APP: variants seen among roughly 807,000 people sequenced by gnomAD.
The protein encoded by APP is amyloid-beta precursor protein.
A neutral mutation model predicts 101.4 loss-of-function variants in APP; 31 were observed. That is an observed-to-expected ratio of 0.31 (90% confidence interval 0.23 to 0.41). The LOEUF (loss-of-function observed/expected upper bound fraction) is 0.41. Ranked by LOEUF, APP falls within the 10% of genes least tolerant of loss-of-function variation. The pLI, the probability that APP is intolerant of heterozygous loss-of-function variation, is 1.00. For missense variants in APP, 839 were observed against 1,003.7 expected, an observed-to-expected ratio of 0.84 and a Z score of 2.22; for synonymous variants, 366 against 364.4, an observed-to-expected ratio of 1.00 and a Z score of -0.05.
intron 11 of APP, among the ~76,000 whole-genome samples, chr21:25,958,146 G>A (rs1331655604): frequency 6.6e-6 from 1 of 152,160 alleles, no homozygotes; most frequent in Admixed American, 6.5e-5. Flanking sequence ...ATGGCCCCAG[G>A]CTGGCCTTGG....
intron 17 of APP, among the ~76,000 whole-genome samples, chr21:25,885,424 G>A (rs981150526): frequency 2.0e-5 from 3 of 152,250 alleles, no homozygotes; most frequent in Non-Finnish European, 2.9e-5. Context: ...TGAGCCCATG[G>A]TGCTTGTTCT....
chr21:26,129,513 A>C (rs1422204800), intron 1 of APP, among the ~76,000 whole-genome samples: 1 of 152,172 alleles, frequency 6.6e-6, no homozygotes, highest in Admixed American at 6.5e-5. Flanking sequence ...TAAACTATAC[A>C]GGTGAACTAA....
intron 13 of APP, among the ~76,000 whole-genome samples, chr21:25,933,541 C>T (rs2040236602): frequency 6.6e-6 from 1 of 152,170 alleles, no homozygotes; most frequent in Admixed American, 6.5e-5. Flanking sequence ...GTATTTGTAT[C>T]CATTAATGAA....
intron 13 of APP, among the ~76,000 whole-genome samples, chr21:25,920,645 T>C (rs1241690724): frequency 6.6e-6 from 1 of 151,820 alleles, no homozygotes; most frequent in Non-Finnish European, 1.5e-5. Context: ...CATTACATAA[T>C]GGTAAAGGGA....
chr21:26,151,434 G>T (rs985732516), intron 1 of APP, among the ~76,000 whole-genome samples: 4 of 152,088 alleles, frequency 2.6e-5, no homozygotes, highest in Non-Finnish European at 4.4e-5. Flanking sequence ...TGAACTACTA[G>T]ATCAGCCTTT....
intron 1 of APP, among the ~76,000 whole-genome samples, chr21:26,128,861 T>C (rs1220941946): frequency 1.3e-5 from 2 of 152,142 alleles, no homozygotes; most frequent in East Asian, 1.9e-4. Flanking sequence ...ACTAAGAGAT[T>C]TGAAATGGAT....
chr21:26,152,005 G>A (rs965626520), intron 1 of APP, among the ~76,000 whole-genome samples: 3 of 152,226 alleles, frequency 2.0e-5, no homozygotes, highest in Admixed American at 1.3e-4. Flanking sequence ...GTCTGGGCAC[G>A]GTGGCTCACG....
intron 13 of APP, among the ~76,000 whole-genome samples, chr21:25,952,267 CTTTAAG>C (rs1428636327): frequency 6.6e-6 from 1 of 150,988 alleles, no homozygotes; most frequent in African/African-American, 2.4e-5. Flanking sequence ...TTTTATTATA[CTTTAAG>C]TTTGAGGGTA....
chr21:25,952,773 T>G (rs2041147891), intron 13 of APP, among the ~76,000 whole-genome samples: 1 of 147,418 alleles, frequency 6.8e-6, no homozygotes, highest in Non-Finnish European at 1.5e-5. Flanking sequence ...CAAACCATGT[T>G]TTCTAGAAGA....
rs2045603603 is a variant in APP at position 26,046,240 on chromosome 21, T to C, written c.662+4760A>G. On this transcript the variant is annotated intron_variant, in intron 5 of 17. Transcript: ENST00000346798. ...ACCTGGCCAACATGGTGAAACCCTG[T>C]CTCTACTAAAAATACAAAAATTAGC... 1.3e-5 allele frequency among the ~76,000 whole-genome samples: 2 copies of C among 151,694 alleles called. 1 individual carries two copies. Among genetic ancestry groups the C allele is most frequent in the Non-Finnish European group, 2.9e-5 (2 of 67,960 alleles).
rs566093643 is a variant in APP at position 26,114,951 on chromosome 21, T to C, written c.58-2805A>G. Among the ~76,000 whole-genome samples the C allele has an allele frequency of 2.0e-5, 3 of 152,330 alleles. No homozygotes were observed. In the South Asian group the frequency reaches 6.2e-4, roughly 32 times the overall value. On this transcript the variant is annotated intron_variant, in intron 1 of 17. Coordinates refer to ENST00000346798, the MANE Select transcript of APP (RefSeq NM_000484.4). The stretch of plus-strand genomic sequence containing the variant: ...GTGTATGTTGACTACCAAAAAGTGG[T>C]AATTTTTAAAACATTTTTTTCAAAT...
intron 17 of APP, among the ~76,000 whole-genome samples, chr21:25,887,862 C>A (rs1482844648): frequency 6.6e-6 from 1 of 152,176 alleles, no homozygotes; most frequent in African/African-American, 2.4e-5. Flanking sequence ...GATGTTTGCA[C>A]AGCGATCAAA....
At chr21:25,994,916 C>G (rs867990451) in intron 8 of APP, among the ~76,000 whole-genome samples, 1 of 152,184 alleles carries the variant, frequency 6.6e-6, no homozygotes, top group Non-Finnish European at 1.5e-5. Context: ...TCTGTTTGTA[C>G]TAGCACTGCA....
intron 3 of APP, among the ~76,000 whole-genome samples, chr21:26,071,226 C>A (rs1438330723): frequency 6.6e-6 from 1 of 152,098 alleles, no homozygotes; most frequent in African/African-American, 2.4e-5. Flanking sequence ...TTGCACACAG[C>A]GAGCCCCGCC....
chr21:25,938,858 C>T (rs181350508), intron 13 of APP, among the ~76,000 whole-genome samples: 218 of 152,294 alleles, frequency 1.4e-3, no homozygotes, highest in African/African-American at 4.4e-3. Context: ...CAGCGAGAGA[C>T]GCTAGCTTCC....
intron 5 of APP, among the ~76,000 whole-genome samples, chr21:26,049,224 A>C (rs1490581931): frequency 6.6e-6 from 1 of 152,046 alleles, no homozygotes; most frequent in South Asian, 2.1e-4. Flanking sequence ...GGGAGAGGAG[A>C]TGATTGAGAG....
chr21:26,111,018 A>C lies in APP; in HGVS notation c.225+961T>G, dbSNP rs140607029. ...TGTATAGTAACAGCAAAAAGACTAC[A>C]AAGAATTAAACAAAAATGAAGATCT... On this transcript the variant is annotated intron_variant, in intron 2 of 17. Coordinates refer to ENST00000346798, the MANE Select transcript of APP (RefSeq NM_000484.4). 3.6e-4 allele frequency among the ~76,000 whole-genome samples: 55 copies of C among 151,788 alleles called. No homozygotes were observed. In the East Asian group the frequency reaches 9.9e-3, roughly 27 times the overall value.
chr21:25,896,158 A>G (rs1438267425), intron 16 of APP, among the ~76,000 whole-genome samples: 1 of 152,148 alleles, frequency 6.6e-6, no homozygotes, highest in African/African-American at 2.4e-5. Context: ...AGAAACCCTG[A>G]TCTTATAACA....
chr21:26,073,708 G>C (rs2061450704), intron 3 of APP, among the ~76,000 whole-genome samples: 1 of 152,172 alleles, frequency 6.6e-6, no homozygotes. Context: ...AGTAGGCCAA[G>C]GGTCTTTATG....
Sources: allele counts gnomAD v4.1 joint callset (sites outside exome capture counted in the v4.1 genomes callset), GRCh38; gene constraint gnomAD v4.1.1; transcripts MANE v1.5; gene names NCBI Gene and HGNC (gene_info 2026-07-23, HGNC 2026-07-21).